Variants in KYNU observed in about 807,000 individuals in gnomAD.
KYNU encodes the protein L-kynurenine hydrolase.
Under a neutral mutation model 59.2 loss-of-function variants are expected in KYNU, and 54 were observed. The observed-to-expected ratio is 0.91, with a 90% CI of 0.73 to 1.14. KYNU has a LOEUF of 1.14. KYNU is among the 50% of genes most tolerant of loss of function. KYNU has a pLI of 0.00. For synonymous variants in KYNU, 177 were observed against 192.0 expected, an observed-to-expected ratio of 0.92 and a Z score of 0.65; for missense variants, 567 against 554.4, an observed-to-expected ratio of 1.02 and a Z score of -0.23.
At chr2:142,928,855 T>A (rs1683121385) in intron 4 of KYNU, among the ~76,000 whole-genome samples, 1 of 151,040 alleles carries the variant, frequency 6.6e-6, no homozygotes, top group South Asian at 2.1e-4. Flanking sequence ...AAAAAAATTT[T>A]AAAAATTAGC....
At chr2:142,990,054 G>C (rs1012875) in intron 10 of KYNU, 38,424 of 151,486 alleles carry the variant, frequency 0.25, 5,358 homozygotes, top group East Asian at 0.47. Context: ...CAGAGTCAAC[G>C]CACGGCATTA....
chr2:142,909,977 T>G (rs922470411), intron 2 of KYNU, among the ~76,000 whole-genome samples: 1 of 152,152 alleles, frequency 6.6e-6, no homozygotes, highest in Non-Finnish European at 1.5e-5. Context: ...TTTTTTGATG[T>G]TTTAGTAATA....
intron 10 of KYNU, among the ~76,000 whole-genome samples, chr2:142,996,522 A>G (rs1023265683): frequency 6.6e-6 from 1 of 152,094 alleles, no homozygotes. Flanking sequence ...TCCTGAACTT[A>G]CCATTCAGTC....
chr2:142,989,991 T>C (rs1361764853), intron 10 of KYNU: 1 of 151,872 alleles, frequency 6.6e-6, no homozygotes, highest in Non-Finnish European at 1.5e-5. Flanking sequence ...ACCTATGACC[T>C]AAGGCTTTTC....
chr2:142,882,478 C>G (rs1404920868), intron 1 of KYNU, among the ~76,000 whole-genome samples: 1 of 152,170 alleles, frequency 6.6e-6, no homozygotes, highest in Non-Finnish European at 1.5e-5. Flanking sequence ...ATTCCTCCCC[C>G]ATCCCCCCAC....
rs185463279 is a variant in KYNU at position 143,038,180 on chromosome 2, C to G, written c.1042-2248C>G. ...GTGATACTTCACATATCGATTGCCCCCATGTACATATTAGGGCACCCATAG... is the reference window on the plus strand; with the variant it reads ...GTGATACTTCACATATCGATTGCCCGCATGTACATATTAGGGCACCCATAG... On this transcript the variant is annotated intron_variant, in intron 12 of 13. Coordinates refer to ENST00000264170, the MANE Select transcript of KYNU (RefSeq NM_003937.3). Among the ~76,000 whole-genome samples the G allele has an allele frequency of 2.6e-3, 390 of 152,206 alleles. 1 individual carries two copies. The highest frequency in any genetic ancestry group is 9.7e-3 in the South Asian group (47 of 4,824).
chr2:142,920,213 CATGTT>C (rs887241758), intron 3 of KYNU, among the ~76,000 whole-genome samples: 17 of 152,148 alleles, frequency 1.1e-4, no homozygotes, highest in Admixed American at 2.0e-4. Flanking sequence ...ATTTATTAAT[CATGTT>C]ATAACTTTAT....
chr2:143,029,581 A>C, intron 10 of KYNU, 46 bp from the exon 11 acceptor site: 1 of 1,252,934 alleles, frequency 8.0e-7, no homozygotes, highest in Non-Finnish European at 1.2e-6. Context: ...GCAAGACTCC[A>C]TCCAAAAAAA....
At chr2:142,979,782 C>A (rs1685000068) in intron 8 of KYNU, among the ~76,000 whole-genome samples, 1 of 151,798 alleles carries the variant, frequency 6.6e-6, no homozygotes, top group African/African-American at 2.4e-5. Context: ...AACTCATCTA[C>A]AAAAACTTAA....
At chr2:142,950,032 T>C (rs898907459) in intron 4 of KYNU, among the ~76,000 whole-genome samples, 6 of 152,214 alleles carry the variant, frequency 3.9e-5, no homozygotes, top group African/African-American at 1.4e-4. Context: ...AGGGGCAGAA[T>C]GTCGCCAGTC....
At chr2:142,969,652 A>G (rs1211463714) in intron 8 of KYNU, among the ~76,000 whole-genome samples, 2 of 152,220 alleles carry the variant, frequency 1.3e-5, no homozygotes, top group East Asian at 3.8e-4. Context: ...CCTGGCCTCC[A>G]GATGTTGTTA....
chr2:142,976,514 A>G (rs1452435898), intron 8 of KYNU, among the ~76,000 whole-genome samples: 1 of 152,160 alleles, frequency 6.6e-6, no homozygotes, highest in Non-Finnish European at 1.5e-5. Flanking sequence ...GGTTTTTCCA[A>G]GTTATTTGTT....
At chr2:143,015,416 G>T (rs754625587) in intron 10 of KYNU, among the ~76,000 whole-genome samples, 23 of 152,060 alleles carry the variant, frequency 1.5e-4, no homozygotes, top group Non-Finnish European at 2.6e-4. Context: ...AAAATTCTCA[G>T]GCGCCAAGTA....
chr2:142,965,551 T>C (rs1377267170), intron 8 of KYNU, among the ~76,000 whole-genome samples: 1 of 152,110 alleles, frequency 6.6e-6, no homozygotes, highest in African/African-American at 2.4e-5. Flanking sequence ...TCACAAGATA[T>C]TTGTCTCAAA....
chr2:143,029,673 G>T lies in KYNU; in HGVS notation c.949G>T (p.Asp317Tyr), dbSNP rs1217252735. 6.5e-7 allele frequency: 1 copy of T among 1,541,332 alleles called. No individual in the cohort carries two copies. The highest frequency in any genetic ancestry group is 9.0e-7 in the Non-Finnish European group (1 of 1,113,662). ...GHELSTRFKM[D>Y]NKLQLIPGVC... ...TGAACTCAGCACCAGATTTAAGATG[G>T]ATAACAGTAAGTGTATTTATTTTAC... The change falls in exon 11 of 14, where the codon GAT becomes TAT. Residue 317 changes from aspartate (D) to tyrosine (Y), a missense_variant. By Grantham distance (160) the Asp-to-Tyr change is radical (BLOSUM62 -3). Transcript: ENST00000264170.
At chr2:143,028,572 G>C (rs1573913491) in intron 10 of KYNU, among the ~76,000 whole-genome samples, 1 of 150,252 alleles carries the variant, frequency 6.7e-6, no homozygotes, top group Non-Finnish European at 1.5e-5. Context: ...GAGGCCAGGC[G>C]TGGTGGCTCA....
chr2:142,949,083 T>C (rs1287657663), intron 4 of KYNU, among the ~76,000 whole-genome samples: 1 of 152,186 alleles, frequency 6.6e-6, no homozygotes. Flanking sequence ...AGCTCTGAAA[T>C]GATCTTTGAT....
intron 10 of KYNU, among the ~76,000 whole-genome samples, chr2:142,996,416 A>G (rs1214027417): frequency 6.6e-6 from 1 of 152,098 alleles, no homozygotes; most frequent in African/African-American, 2.4e-5. Flanking sequence ...ACGGGGTCTC[A>G]TTGTGTTGCC....
Position 142,909,143 on chromosome 2 carries a change from G to A in KYNU, c.170-9466G>A, listed in dbSNP as rs369726147. The stretch of plus-strand genomic sequence containing the variant: ...CTAGTGTTGATGCTATTAATAGGAT[G>A]TTCCAAACATATATCAAGTTTTTTT... On this transcript the variant is annotated intron_variant, in intron 2 of 13. Coordinates refer to ENST00000264170, the MANE Select transcript of KYNU (RefSeq NM_003937.3). 2.7e-4 allele frequency among the ~76,000 whole-genome samples: 39 copies of A among 142,868 alleles called. 1 individual carries two copies. The South Asian group carries it at 9.0e-3, about 33-fold the overall frequency. 93.7% of individuals were successfully genotyped at this position (142,868 alleles called of 152,430 possible). A position where few individuals can be genotyped will look rare whatever the true frequency, so the allele number is the denominator to read the frequency against.
Sources: allele counts gnomAD v4.1 joint callset (sites outside exome capture counted in the v4.1 genomes callset), GRCh38; gene constraint gnomAD v4.1.1; transcripts MANE v1.5; gene names NCBI Gene and HGNC (gene_info 2026-07-23, HGNC 2026-07-21).